Variants in F7 observed in about 807,000 individuals in gnomAD.
F7 encodes FVII coagulation protein.
A neutral mutation model predicts 47.5 loss-of-function variants in F7; 38 were observed. The ratio of observed to expected loss-of-function variants is 0.80; its 90% CI spans 0.62 to 1.05. The LOEUF (loss-of-function observed/expected upper bound fraction) is 1.05, where lower values mean the gene tolerates loss of function less well. F7 is among the 50% of genes least tolerant of loss of function. The pLI, the probability that F7 is intolerant of heterozygous loss-of-function variation, is 0.00. For synonymous variants in F7, 244 were observed against 258.5 expected (o/e 0.94, Z 0.54); for missense variants, 575 against 605.4 (o/e 0.95, Z 0.53).
rs772137874 is a variant in F7, at chr13:113,119,479, G to GCA, written c.*480_*481dup. 38 of 202,726 alleles carry GCA rather than the reference G, an allele frequency of 1.9e-4. No homozygotes were observed. The highest frequency in any genetic ancestry group is 1.8e-3 in the Admixed American group (33 of 18,724). The allele number at this position is 202,726 out of a possible 1,614,324, so 12.6% of individuals were successfully genotyped here. On this transcript the variant is annotated 3_prime_UTR_variant, in exon 8 of 8. Coordinates refer to ENST00000346342, the MANE Select transcript of F7 (RefSeq NM_019616.4). ...TGGATGCACACACACACACGCCAAT[G>GCA]CACACACACAGAGATATGCACACAC... is the stretch of plus-strand genomic sequence containing the variant.
intron 1 of F7, chr13:113,107,013 C>A: frequency 7.7e-7 from 1 of 1,297,142 alleles, no homozygotes; most frequent in South Asian, 1.3e-5. Context: ...GTGGCTACTG[C>A]AGTGCCCCCC....
In F7 at chr13:113,115,755, G is replaced by A. The variant is rs774685435; in HGVS notation, c.460G>A (p.Glu154Lys). ...CACCAAGCGCTCCTGTCGGTGCCACGAGGGGTACTCTCTGCTGGCAGACGG... is the reference window on the plus strand; with the variant it reads ...CACCAAGCGCTCCTGTCGGTGCCACAAGGGGTACTCTCTGCTGGCAGACGG... ...TGTKRSCRCH[E>K]GYSLLADGVS... Residue 154 changes from glutamate to lysine, a missense_variant, in exon 5 of 8, where the codon GAG becomes AAG. Transcript: ENST00000346342. 28 of 1,613,120 alleles carry A rather than the reference G, an allele frequency of 1.7e-5. No homozygotes were observed. The highest frequency in any genetic ancestry group is 1.5e-4 in the Admixed American group (9 of 60,002).
intron 7 of F7, 56 bp downstream of exon 7, chr13:113,117,652 T>C (rs2036218867): frequency 1.4e-6 from 2 of 1,445,202 alleles, no homozygotes; most frequent in East Asian, 2.4e-5. Flanking sequence ...CACTCTTCCC[T>C]GTCCGACCGC....
chr13:113,116,501 CCT>C (rs953065434), intron 5 of F7, among the ~76,000 whole-genome samples: 1 of 152,232 alleles, frequency 6.6e-6, no homozygotes, highest in African/African-American at 2.4e-5. Context: ...AGACGTAAGC[CCT>C]CTGTTTCCTC....
chr13:113,116,637 C>T (rs2036196860), intron 5 of F7, 129 bp from the exon 6 acceptor site: 1 of 775,380 alleles, frequency 1.3e-6, no homozygotes, highest in Non-Finnish European at 2.2e-6. Flanking sequence ...CCTGGGAGCT[C>T]CTGCTCCTGG....
chr13:113,115,940 T>C (rs2036186690), intron 5 of F7, 140 bp downstream of exon 5: 1 of 1,300,126 alleles, frequency 7.7e-7, no homozygotes, highest in African/African-American at 1.5e-5. Context: ...TGAGGTGGGA[T>C]CTGGGCACCA....
chr13:113,110,910 C>T, intron 2 of F7, 60 bp downstream of exon 2: 2 of 1,522,006 alleles, frequency 1.3e-6, no homozygotes, highest in Non-Finnish European at 1.8e-6. Context: ...TGAACCAGGC[C>T]GCGTGGGGCC....
chr13:113,106,696 G>T (rs1347460997), intron 1 of F7: 1 of 633,718 alleles, frequency 1.6e-6, no homozygotes, highest in Non-Finnish European at 2.7e-6. Context: ...CGAGTAGGGG[G>T]TGTGGCGTGA....
In F7 at chr13:113,110,755, G is replaced by C. The variant is rs1193950772; in HGVS notation, c.130G>C (p.Glu44Gln). 1.3e-6 allele frequency: 2 copies of C among 1,549,466 alleles called. No individual in the cohort carries two copies. Among genetic ancestry groups the C allele is most frequent in the Admixed American group, 2.0e-5 (1 of 51,020 alleles). ...GCGCCGGCGCGCCAACGCGTTCCTG[G>C]AGGAGCTGCGGCCGGGCTCCCTGGA... Reference protein sequence around the residue: ...HRRRRANAFLEELRPGSLERE... With the variant: ...HRRRRANAFLQELRPGSLERE... Residue 44 changes from glutamate to glutamine, a missense_variant, in exon 2 of 8, where the codon GAG becomes CAG. Coordinates refer to ENST00000346342, the MANE Select transcript of F7 (RefSeq NM_019616.4).
intron 6 of F7, 52 bp downstream of exon 6, chr13:113,116,927 T>G (rs1256158814): frequency 7.0e-7 from 1 of 1,425,102 alleles, no homozygotes; most frequent in Non-Finnish European, 9.9e-7. Context: ...CTTGAAGCCT[T>G]TTGAATGTGA....
Position 113,113,894 on chromosome 13 carries a change from A to C in F7, c.298A>C (p.Lys100Gln), listed in dbSNP as rs774636523. ...TCCATGCCAGAATGGGGGCTCCTGC[A>C]AGGACCAGCTCCAGTCCTATATCTG... ...SSPCQNGGSC[K>Q]DQLQSYICFC... The change falls in exon 4 of 8, where the codon AAG (lysine) becomes CAG (glutamine). Residue 100 changes from lysine to glutamine, a missense_variant. Lys to Gln is a moderately conservative substitution (Grantham distance 53). Transcript: ENST00000346342. The surrounding 1 kb of genome is among the most constrained non-coding windows in gnomAD (Gnocchi z 4.1). 3 of 1,614,138 alleles carry C rather than the reference A, an allele frequency of 1.9e-6. No individual in the cohort carries two copies. The South Asian group carries it at 3.3e-5, about 18-fold the overall frequency.
rs2035961258 is a variant in F7 at position 113,106,565 on chromosome 13, ATGTGG to A, written c.64+661_64+665del. On this transcript the variant is annotated intron_variant, in intron 1 of 7. Coordinates refer to ENST00000346342, the MANE Select transcript of F7 (RefSeq NM_019616.4). ...GTGTGTGGGGTGTCGGGGATGGGGC[ATGTGG>A]GGTGTGGGGGATGGGGCATGGAAAG... Among the ~76,000 whole-genome samples the A allele has an allele frequency of 5.2e-3, 2 of 382 alleles. 1 individual carries two copies. Among genetic ancestry groups the A allele is most frequent in the Admixed American group, 0.045 (2 of 44 alleles). 0.3% of individuals were successfully genotyped at this position (382 alleles called of 152,430 possible).
intron 1 of F7, among the ~76,000 whole-genome samples, chr13:113,109,115 G>C (rs1395755215): frequency 1.0e-5 from 1 of 99,396 alleles, no homozygotes; most frequent in Non-Finnish European, 2.3e-5. Flanking sequence ...TCCCGGGAGT[G>C]TGGGTGTCCC....
Position 113,115,735 on chromosome 13 carries a change from A to T in F7, c.440A>T (p.Lys147Met). Residue 147 changes from lysine (K) to methionine (M), a missense_variant, in exon 5 of 8, where the codon AAG (lysine) becomes ATG (methionine). Coordinates refer to ENST00000346342, the MANE Select transcript of F7 (RefSeq NM_019616.4). Reference sequence around the variant, plus strand: ...TACTGCAGTGACCACACGGGCACCAAGCGCTCCTGTCGGTGCCACGAGGGG... The same window carrying T: ...TACTGCAGTGACCACACGGGCACCATGCGCTCCTGTCGGTGCCACGAGGGG... The part of the protein sequence containing the change: ...EQYCSDHTGT[K>M]RSCRCHEGYS... 1 of 1,613,158 alleles carries T rather than the reference A, an allele frequency of 6.2e-7. No individual in the cohort carries two copies.
At position 113,116,864 on chromosome 13, in the gene F7, T is replaced by A; in HGVS notation, c.604T>A (p.Cys202Ser). The A allele has an allele frequency of 2.5e-6, 4 of 1,612,720 alleles. No individual in the cohort carries two copies. Among genetic ancestry groups the A allele is most frequent in the Non-Finnish European group, 3.4e-6 (4 of 1,179,524 alleles). The part of the protein sequence containing the change: ...VGGKVCPKGE[C>S]PWQVLLLVNG... ...GGGCAAGGTGTGCCCCAAAGGGGAG[T>A]GTCCATGGCAGGTAAGGCTTCCCCT... Residue 202 changes from cysteine (C) to serine (S), a missense_variant, in exon 6 of 8, where the codon TGT (cysteine) becomes AGT (serine). By Grantham distance (112) the Cys-to-Ser change is moderately radical (BLOSUM62 -1). Transcript: ENST00000346342.
chr13:113,111,556 A>G (rs1357729155), intron 2 of F7, among the ~76,000 whole-genome samples: 1 of 36,892 alleles, frequency 2.7e-5, no homozygotes, highest in African/African-American at 1.1e-4. Context: ...CTCACAGGGC[A>G]CACTTCACAC....
rs1252369553 is a variant in F7 at position 113,119,889 on chromosome 13, T to C, written c.*881T>C. 2.0e-5 allele frequency: 3 copies of C among 152,328 alleles called. No homozygotes were observed. Among genetic ancestry groups the C allele is most frequent in the Non-Finnish European group, 2.9e-5 (2 of 68,100 alleles). 9.4% of individuals were successfully genotyped at this position (152,328 alleles called of 1,614,324 possible). On this transcript the variant is annotated 3_prime_UTR_variant, in exon 8 of 8. Coordinates refer to ENST00000346342, the MANE Select transcript of F7 (RefSeq NM_019616.4). Reference sequence around the variant, plus strand: ...GACAATTCAGAAGCATCACCATGCATGGTGGCGAATGCCCCCAAACTCTCC... The same window carrying C: ...GACAATTCAGAAGCATCACCATGCACGGTGGCGAATGCCCCCAAACTCTCC...
chr13:113,117,457 C>T lies in F7; in HGVS notation c.616-16C>T, dbSNP rs776630808. The T allele has an allele frequency of 2.5e-6, 4 of 1,613,580 alleles. No homozygotes were observed. On this transcript the variant is annotated splice_polypyrimidine_tract_variant and intron_variant, in intron 6 of 7. Coordinates refer to ENST00000346342, the MANE Select transcript of F7 (RefSeq NM_019616.4). ...GACAGCAATGTGACTTCCACACCTC[C>T]TGTCCCCCCGCCCAGGTCCTGTTGT...
intron 2 of F7, among the ~76,000 whole-genome samples, chr13:113,111,540 C>A (rs2036094786): frequency 2.8e-5 from 1 of 35,344 alleles, no homozygotes; most frequent in African/African-American, 1.1e-4. Flanking sequence ...CACAGGACAC[C>A]TCACACTCAC....
Sources: allele counts gnomAD v4.1 joint callset (sites outside exome capture counted in the v4.1 genomes callset), GRCh38; gene constraint gnomAD v4.1.1; non-coding constraint Gnocchi (gnomAD v3.1); transcripts MANE v1.5; gene names NCBI Gene and HGNC (gene_info 2026-07-23, HGNC 2026-07-21).